The following PREX2 variants were observed in gnomAD, a reference collection of about 807,000 sequenced individuals.
PREX2 encodes the protein phosphatidylinositol 3,4,5-trisphosphate-dependent Rac exchanger 2 protein.
A neutral mutation model predicts 203.2 loss-of-function variants in PREX2; 107 were observed. The ratio of observed to expected loss-of-function variants is 0.53; its 90% CI spans 0.45 to 0.62. PREX2 has a LOEUF of 0.62. Among genes scored for constraint, PREX2 ranks in the 20% least tolerant of loss-of-function variants. PREX2 has a pLI of 0.00. For synonymous variants in PREX2, 672 were observed against 663.6 expected, an observed-to-expected ratio of 1.01 and a Z score of -0.19; for missense variants, 1,777 against 1,955.9, an observed-to-expected ratio of 0.91 and a Z score of 1.72.
chr8:68,161,692 T>C (rs1426221983), intron 35 of PREX2, among the ~76,000 whole-genome samples: 1 of 151,794 alleles, frequency 6.6e-6, no homozygotes, highest in East Asian at 1.9e-4. Flanking sequence ...AAGTTCTCTC[T>C]CAAGTAAAAA....
intron 35 of PREX2, among the ~76,000 whole-genome samples, chr8:68,168,727 T>C (rs1311792602): frequency 6.6e-6 from 1 of 152,222 alleles, no homozygotes. Flanking sequence ...TGCTCTTGGT[T>C]TTACGGGCCA....
At chr8:68,035,388 T>C (rs1170331231) in intron 6 of PREX2, among the ~76,000 whole-genome samples, 2 of 152,184 alleles carry the variant, frequency 1.3e-5, no homozygotes, top group Non-Finnish European at 2.9e-5. Flanking sequence ...CTTTGTCTGC[T>C]GATGCATTGT....
intron 1 of PREX2, among the ~76,000 whole-genome samples, chr8:68,000,746 C>T (rs946127976): frequency 2.0e-5 from 3 of 152,066 alleles, no homozygotes; most frequent in South Asian, 4.1e-4. Context: ...GGTACAAAAG[C>T]AGACACATAG....
chr8:67,999,766 A>G (rs1460311104), intron 1 of PREX2, among the ~76,000 whole-genome samples: 1 of 152,192 alleles, frequency 6.6e-6, no homozygotes, highest in African/African-American at 2.4e-5. Flanking sequence ...CTTATCCACT[A>G]TGATTAAGTA....
At chr8:68,068,253 G>C (rs1004719824) in intron 11 of PREX2, among the ~76,000 whole-genome samples, 11 of 152,000 alleles carry the variant, frequency 7.2e-5, no homozygotes, top group Non-Finnish European at 1.3e-4. Flanking sequence ...GGAAGAGTCT[G>C]AGAAGGATTG....
intron 14 of PREX2, among the ~76,000 whole-genome samples, chr8:68,076,146 C>T (rs1002751403): frequency 6.6e-6 from 1 of 152,024 alleles, no homozygotes; most frequent in African/African-American, 2.4e-5. Flanking sequence ...GTTTTGGAAC[C>T]GAGTTTCTGT....
intron 33 of PREX2, among the ~76,000 whole-genome samples, chr8:68,143,881 G>A (rs776465344): frequency 1.9e-4 from 29 of 152,224 alleles, no homozygotes; most frequent in Non-Finnish European, 4.1e-4. Flanking sequence ...TATAATGTGA[G>A]TATCTAGATT....
At chr8:67,965,399 C>T (rs1169167064) in intron 1 of PREX2, among the ~76,000 whole-genome samples, 1 of 151,842 alleles carries the variant, frequency 6.6e-6, no homozygotes, top group Non-Finnish European at 1.5e-5. Context: ...AAATATAGCT[C>T]GTGTTTATCC....
chr8:68,188,044 TCTG>T (rs1372318040), intron 35 of PREX2, among the ~76,000 whole-genome samples: 1 of 152,172 alleles, frequency 6.6e-6, no homozygotes, highest in African/African-American at 2.4e-5. Context: ...GTATGAAAAA[TCTG>T]CTGATCACTG....
intron 1 of PREX2, among the ~76,000 whole-genome samples, chr8:67,958,416 C>T (rs979648731): frequency 4.6e-5 from 7 of 152,178 alleles, no homozygotes; most frequent in Non-Finnish European, 8.8e-5. Flanking sequence ...GGCAGATCCT[C>T]ACATTTAGGG....
chr8:68,050,596 C>G (rs1808500409), intron 8 of PREX2, among the ~76,000 whole-genome samples: 1 of 152,126 alleles, frequency 6.6e-6, no homozygotes, highest in Non-Finnish European at 1.5e-5. Flanking sequence ...GAACACAGAC[C>G]CAAACCATAT....
chr8:68,001,612 A>G (rs1806938978), intron 1 of PREX2, among the ~76,000 whole-genome samples: 1 of 152,226 alleles, frequency 6.6e-6, no homozygotes, highest in Non-Finnish European at 1.5e-5. Flanking sequence ...CCAAAGGAAT[A>G]TAAAGCATTC....
intron 14 of PREX2, 70 bp downstream of exon 14, chr8:68,072,640 A>G (rs1809232092): frequency 1.2e-6 from 1 of 837,444 alleles, no homozygotes; most frequent in Admixed American, 2.1e-5. Flanking sequence ...GTGAATTAGG[A>G]CCTTTATTCT....
rs193001300 is a variant in PREX2 at position 68,132,736 on chromosome 8, G to A, written c.3767-1323G>A. ...TTGACAATGCTTCTTTATTCCAGAA[G>A]AGTCTATGAACCCTTGAAATATTTA... is the stretch of plus-strand genomic sequence containing the variant. On this transcript the variant is annotated intron_variant, in intron 31 of 39. Coordinates refer to ENST00000288368, the MANE Select transcript of PREX2 (RefSeq NM_024870.4). Among the ~76,000 whole-genome samples, 553 of 152,236 alleles carry A rather than the reference G, an allele frequency of 3.6e-3. 2 individuals are homozygous for A. Among genetic ancestry groups the A allele is most frequent in the Non-Finnish European group, 6.3e-3 (428 of 68,006 alleles).
chr8:68,217,763 G>A (rs546221149), intron 38 of PREX2, 45 bp downstream of exon 38: 3 of 1,372,086 alleles, frequency 2.2e-6, no homozygotes, highest in Admixed American at 1.8e-5. Context: ...GTAGGCCCTG[G>A]ACTTGAAGAT....
chr8:68,090,850 CAT>C, intron 20 of PREX2, 135 bp downstream of exon 20: 1 of 582,822 alleles, frequency 1.7e-6, no homozygotes, highest in Non-Finnish European at 2.8e-6. Context: ...TTATAAATCT[CAT>C]AATGATTGCT....
At chr8:67,995,877 T>G (rs1312968347) in intron 1 of PREX2, among the ~76,000 whole-genome samples, 18 of 152,156 alleles carry the variant, frequency 1.2e-4, no homozygotes, top group Admixed American at 1.2e-3. Flanking sequence ...ATATGGCAAA[T>G]GTATGTTTAA....
intron 10 of PREX2, 142 bp downstream of exon 10, chr8:68,056,116 G>A: frequency 2.7e-6 from 2 of 753,084 alleles, no homozygotes; most frequent in Non-Finnish European, 4.3e-6. Flanking sequence ...TTCCTGGGCG[G>A]TAGCAGGATG....
Position 68,055,844 on chromosome 8 carries a change from A to G in PREX2, c.1108A>G (p.Met370Val). Reference protein sequence around the residue: ...RERRKGLKLGMEQDTWVMISE... With the variant: ...RERRKGLKLGVEQDTWVMISE... ...ATTTTTGATAGGTTTAAAATTAGGA[A>G]TGGAGCAAGATACCTGGGTCATGAT... The change falls in exon 10 of 40, where the codon ATG becomes GTG. Residue 370 changes from methionine (M) to valine (V), a missense_variant. Met to Val is a conservative substitution (Grantham distance 21, BLOSUM62 1). Coordinates refer to ENST00000288368, the MANE Select transcript of PREX2 (RefSeq NM_024870.4). 1 of 1,611,408 alleles carries G rather than the reference A, an allele frequency of 6.2e-7. No homozygotes were observed. The highest frequency in any genetic ancestry group is 8.5e-7 in the Non-Finnish European group (1 of 1,179,318).
Sources: gnomAD v4.1 joint callset for allele counts (sites outside exome capture counted in the v4.1 genomes callset) on GRCh38, gnomAD v4.1.1 for gene constraint, MANE v1.5 for transcripts, NCBI Gene and HGNC (gene_info 2026-07-23, HGNC 2026-07-21) for gene names.